Variants in AIFM3 observed in about 807,000 individuals in gnomAD.
AIFM3 encodes the protein AIF family member 3.
AIFM3 carries 71 observed loss-of-function variants against 82.7 expected under a neutral mutation model. That is an observed-to-expected ratio of 0.86 (90% confidence interval 0.71 to 1.05). The LOEUF (loss-of-function observed/expected upper bound fraction) is 1.05, where lower values mean the gene tolerates loss of function less well. Among genes scored for constraint, AIFM3 ranks in the 50% least tolerant of loss-of-function variants. The pLI, the probability that AIFM3 is intolerant of heterozygous loss-of-function variation, is 0.00. For missense variants in AIFM3, 748 were observed against 816.7 expected, an observed-to-expected ratio of 0.92 and a Z score of 1.03; for synonymous variants, 337 against 329.1, an observed-to-expected ratio of 1.02 and a Z score of -0.26.
At chr22:20,976,569 T>G (rs769919532) in intron 11 of AIFM3, 31 bp downstream of exon 11, 1 of 1,612,786 alleles carries the variant, frequency 6.2e-7, no homozygotes, top group South Asian at 1.1e-5. Flanking sequence ...GAGATGGTGG[T>G]CAGGTCGTCA....
At chr22:20,979,884 G>A in intron 18 of AIFM3, 136 bp from the exon 19 acceptor site, 2 of 1,114,304 alleles carry the variant, frequency 1.8e-6, no homozygotes, top group East Asian at 2.6e-5. Flanking sequence ...AAGCAGGGAG[G>A]GCTGGGTGCT....
chr22:20,967,563 G>A (rs1922972889), intron 1 of AIFM3, among the ~76,000 whole-genome samples: 1 of 152,136 alleles, frequency 6.6e-6, no homozygotes, highest in Admixed American at 6.5e-5. Flanking sequence ...CAGCCGCGGG[G>A]CTGGACGATG....
chr22:20,980,271 G>A (rs1452072100), intron 19 of AIFM3, 147 bp downstream of exon 19: 2 of 683,708 alleles, frequency 2.9e-6, no homozygotes, highest in East Asian at 2.7e-5. Flanking sequence ...ACTACAGGGA[G>A]GTGTGGGGCA....
chr22:20,974,287 C>A lies in AIFM3; in HGVS notation c.501C>A (p.Ala167=), dbSNP rs777012631. Residue 167 remains alanine (A), a synonymous_variant, in exon 6 of 21, where the codon GCC becomes GCA. Transcript: ENST00000440238. ...KIEKEKVYVR[A]SKQALQLQRR... is the part of the protein sequence containing the mutation. ...AGAAGGAGAAGGTGTACGTCCGGGC[C>A]AGCAAGCAGGTGAGGGGATAGCTCG... The A allele has an allele frequency of 1.2e-6, 2 of 1,613,532 alleles. No homozygotes were observed. Among genetic ancestry groups the A allele is most frequent in the Non-Finnish European group, 1.7e-6 (2 of 1,179,972 alleles).
chr22:20,979,643 C>T lies in AIFM3; in HGVS notation c.1593C>T (p.Phe531=). ...GGCCCACAGGCTACGGAGAAGGCTT[C>T]GACGACGTCATCATCCAGGGGGATC... ...SLRYAGYGEG[F]DDVIIQGDLE... is the part of the protein sequence containing the mutation. The change falls in exon 18 of 21, where the codon TTC becomes TTT. Residue 531 remains phenylalanine (F), a synonymous_variant. Transcript: ENST00000440238. 6.2e-7 allele frequency: 1 copy of T among 1,614,188 alleles called. No homozygotes were observed. The highest frequency in any genetic ancestry group is 8.5e-7 in the Non-Finnish European group (1 of 1,180,038).
At chr22:20,970,223 T>C (rs182013557) in intron 2 of AIFM3, among the ~76,000 whole-genome samples, 4 of 152,330 alleles carry the variant, frequency 2.6e-5, no homozygotes, top group Admixed American at 2.6e-4. Flanking sequence ...CTACTCTGGG[T>C]TACATACAGT....
rs569509463 is a variant in AIFM3 at position 20,976,229 on chromosome 22, C to T, written c.822C>T (p.Asp274=). 5.5e-5 allele frequency: 88 copies of T among 1,613,590 alleles called. No individual in the cohort carries two copies. The East Asian group carries it at 1.5e-3, about 27-fold the overall frequency. The change falls in exon 10 of 21, where the codon GAC becomes GAT. Residue 274 remains aspartate (D), a synonymous_variant. Coordinates refer to ENST00000440238, the MANE Select transcript of AIFM3 (RefSeq NM_001386814.1). The part of the protein sequence containing the change: ...VLTEAQVVTV[D]VRTKKVVFKD... ...GGGGATTGCAGGTGGTCACAGTGGACGTGAGAACTAAGAAGGTCGTGTTCA... is the reference window on the plus strand; with the variant it reads ...GGGGATTGCAGGTGGTCACAGTGGATGTGAGAACTAAGAAGGTCGTGTTCA...
In AIFM3 at chr22:20,981,050, T is replaced by C; in HGVS notation, c.*19T>C. On this transcript the variant is annotated 3_prime_UTR_variant, in exon 21 of 21. Transcript: ENST00000440238. ...ATCCTGAGCTCACATGCAGTAGACT[T>C]GGGCAGGCAAAGGGGGCACCAAGGG... 6.2e-7 allele frequency: 1 copy of C among 1,614,050 alleles called. No individual in the cohort carries two copies. The highest frequency in any genetic ancestry group is 8.5e-7 in the Non-Finnish European group (1 of 1,179,960).
chr22:20,965,777 C>T (rs939319544), upstream of AIFM3, among the ~76,000 whole-genome samples: 2 of 151,796 alleles, frequency 1.3e-5, no homozygotes, highest in African/African-American at 4.8e-5. Flanking sequence ...ACCCTGGGGG[C>T]GCCAGGAGCC....
At position 20,973,734 on chromosome 22, in the gene AIFM3, C is replaced by A. The variant is rs759014026; in HGVS notation, c.246-24C>A. On this transcript the variant is annotated intron_variant, in intron 3 of 20. Transcript: ENST00000440238. ...AGGTTGTGCCTGGTGTCTGGCCTGA[C>A]CTCTGAGTGCTGCGGTTCCCCAGGA... 2.0e-6 allele frequency: 3 copies of A among 1,522,112 alleles called. No homozygotes were observed. In the South Asian group the frequency reaches 3.9e-5, roughly 20 times the overall value. 94.3% of individuals were successfully genotyped at this position (1,522,112 alleles called of 1,614,324 possible). A position where few individuals can be genotyped will look rare whatever the true frequency, so the allele number is the denominator to read the frequency against.
At chr22:20,968,548 T>C (rs178255) in intron 2 of AIFM3, among the ~76,000 whole-genome samples, 140,996 of 152,094 alleles carry the variant, frequency 0.93, 65,478 homozygotes, top group East Asian at 1. Flanking sequence ...GAAATCACCA[T>C]CCAACCTAGC....
At chr22:20,966,418 T>C (rs5761571), upstream of AIFM3, 56,472 of 152,110 alleles carry the variant, frequency 0.37, 10,831 homozygotes, top group Admixed American at 0.44. Context: ...TCCCCTGTAA[T>C]GGGCACCTCG....
At chr22:20,979,849 G>C in intron 18 of AIFM3, 147 bp downstream of exon 18, 2 of 1,209,204 alleles carry the variant, frequency 1.7e-6, no homozygotes, top group Non-Finnish European at 2.3e-6. Context: ...CCCGAAGCTT[G>C]TGCACGGTCA....
At chr22:20,977,545 C>A in intron 14 of AIFM3, 155 bp from the exon 15 acceptor site, 1 of 836,692 alleles carries the variant, frequency 1.2e-6, no homozygotes, top group Non-Finnish European at 1.9e-6. Flanking sequence ...TGTGGGAGAC[C>A]GGGTAGTGGG....
At position 20,973,859 on chromosome 22, in the gene AIFM3, T is replaced by G; in HGVS notation, c.347T>G (p.Leu116Arg). ...GHKCPHYGAP[L>R]VKGVLSRGRV... The stretch of plus-strand genomic sequence containing the variant: ...AAGTGTCCGCACTACGGCGCACCCC[T>G]GGTGAAAGGTGAGCTGTCAGGTGGG... Residue 116 changes from leucine (L) to arginine (R), a missense_variant, in exon 4 of 21, where the codon CTG becomes CGG. Transcript: ENST00000440238. The G allele has an allele frequency of 1.3e-6, 2 of 1,536,578 alleles. No homozygotes were observed. The highest frequency in any genetic ancestry group is 1.8e-6 in the Non-Finnish European group (2 of 1,138,750).
chr22:20,968,558 C>T (rs1923065801), intron 2 of AIFM3, among the ~76,000 whole-genome samples: 1 of 152,102 alleles, frequency 6.6e-6, no homozygotes, highest in East Asian at 1.9e-4. Flanking sequence ...TCCAACCTAG[C>T]CTGAGCTACT....
At chr22:20,970,476 T>A (rs2147936917) in intron 2 of AIFM3, among the ~76,000 whole-genome samples, 1 of 152,288 alleles carries the variant, frequency 6.6e-6, no homozygotes, top group Non-Finnish European at 1.5e-5. Context: ...TTTTTTATTT[T>A]TTGAGAGACA....
At chr22:20,976,620 T>A (rs1569149352) in intron 11 of AIFM3, 31 bp from the exon 12 acceptor site, 2 of 1,612,000 alleles carry the variant, frequency 1.2e-6, no homozygotes, top group Non-Finnish European at 8.5e-7. Flanking sequence ...AAGGTGCAGG[T>A]GCCAGCCTGC....
intron 2 of AIFM3, 119 bp downstream of exon 2, chr22:20,968,094 A>AG: frequency 9.2e-7 from 1 of 1,088,896 alleles, no homozygotes; most frequent in East Asian, 2.7e-5. Flanking sequence ...GCTATCCAAG[A>AG]ACCCGCTCGG....
Sources: allele counts gnomAD v4.1 joint callset (sites outside exome capture counted in the v4.1 genomes callset), GRCh38; gene constraint gnomAD v4.1.1; transcripts MANE v1.5; gene names NCBI Gene and HGNC (gene_info 2026-07-23, HGNC 2026-07-21).